The following GOLGA1 variants were observed in gnomAD, a reference collection of about 807,000 sequenced individuals.
GOLGA1 encodes the protein golgin A1, also known as golgin subfamily A member 1.
Under a neutral mutation model 119.7 loss-of-function variants are expected in GOLGA1, and 63 were observed. The observed-to-expected ratio is 0.53, with a 90% CI of 0.43 to 0.65. The LOEUF is 0.65. Among genes scored for constraint, GOLGA1 ranks in the 30% least tolerant of loss-of-function variants. The probability of loss-of-function intolerance (pLI) is 0.00; values close to 1 mark genes in which losing one functional copy is unlikely to be tolerated. For missense variants in GOLGA1, 798 were observed against 912.8 expected (o/e 0.87, Z 1.62); for synonymous variants, 318 against 333.4 (o/e 0.95, Z 0.50).
In GOLGA1 at chr9:124,888,950, C is replaced by T. The variant is rs1333480451; in HGVS notation, c.1761+193G>A. 2.6e-5 allele frequency among the ~76,000 whole-genome samples: 4 copies of T among 152,174 alleles called. No individual in the cohort carries two copies. The highest frequency in any genetic ancestry group is 2.0e-4 in the Admixed American group (3 of 15,282). ...TCCTGAACTCGTGATCCACCCGCCT[C>T]GGCCTCCCAAAGTGCTGGGATTACA... On this transcript the variant is annotated intron_variant, in intron 18 of 22. Coordinates refer to ENST00000373555, the MANE Select transcript of GOLGA1 (RefSeq NM_002077.4). This position sits in a 1 kb window ranked among gnomAD's most constrained non-coding sequence, Gnocchi z 4.4.
intron 10 of GOLGA1, among the ~76,000 whole-genome samples, chr9:124,913,353 A>C (rs952342528): frequency 1.3e-5 from 2 of 152,308 alleles, no homozygotes; most frequent in African/African-American, 4.8e-5. Context: ...ATCCCCACTG[A>C]GGATGCCCAT....
chr9:124,924,807 C>T (rs1830642344), intron 7 of GOLGA1, among the ~76,000 whole-genome samples: 1 of 151,558 alleles, frequency 6.6e-6, no homozygotes, highest in African/African-American at 2.4e-5. Flanking sequence ...AAAATTTCCC[C>T]AACCTCTCAC....
intron 4 of GOLGA1, 55 bp downstream of exon 4, chr9:124,931,261 G>C (rs1420007249): frequency 2.4e-6 from 2 of 819,096 alleles, no homozygotes; most frequent in Non-Finnish European, 4.4e-6. Context: ...TATAGGAAGA[G>C]AGTCAAGCAA....
chr9:124,912,088 CT>C, intron 10 of GOLGA1, 62 bp from the exon 11 acceptor site: 2 of 1,495,808 alleles, frequency 1.3e-6, no homozygotes, highest in Non-Finnish European at 1.8e-6. Context: ...TTCCTGCTTT[CT>C]TTTGGGCCAT....
At position 124,938,854 on chromosome 9, in the gene GOLGA1, G is replaced by A. The variant is rs957622576; in HGVS notation, c.-143C>T. ...ACTTAAATGTGGGCCAAGGGCTTAT[G>A]GCAACACAGGATCTACAAATCAGAT... is the stretch of plus-strand genomic sequence containing the variant. On this transcript the variant is annotated 5_prime_UTR_variant, in exon 3 of 23. Coordinates refer to ENST00000373555, the MANE Select transcript of GOLGA1 (RefSeq NM_002077.4). 1 of 571,270 alleles carries A rather than the reference G, an allele frequency of 1.8e-6. No individual in the cohort carries two copies. Among genetic ancestry groups the A allele is most frequent in the African/African-American group, 1.9e-5 (1 of 52,704 alleles). 35.4% of individuals were successfully genotyped at this position (571,270 alleles called of 1,614,324 possible). A position where few individuals can be genotyped will look rare whatever the true frequency, so the allele number is the denominator to read the frequency against.
In GOLGA1 at chr9:124,879,485, G is replaced by C. The variant is rs1058540; in HGVS notation, c.*1045C>G. On this transcript the variant is annotated 3_prime_UTR_variant, in exon 23 of 23. Transcript: ENST00000373555. ...TCCACAGACAAGGCAGACTGCCCCA[G>C]TGTCTCCATCGAGGCTGGGGGACAG... is the stretch of plus-strand genomic sequence containing the variant. The C allele has an allele frequency of 1.3e-5, 2 of 151,590 alleles. No individual in the cohort carries two copies. Among genetic ancestry groups the C allele is most frequent in the East Asian group, 1.9e-4 (1 of 5,168 alleles). The allele number at this position is 151,590 out of a possible 1,614,324, so 9.4% of individuals were successfully genotyped here.
Position 124,881,389 on chromosome 9 carries a change from G to C in GOLGA1, c.2137-132C>G, listed in dbSNP as rs2131353643. On this transcript the variant is annotated intron_variant, in intron 21 of 22. Transcript: ENST00000373555. This position sits in a 1 kb window ranked among gnomAD's most constrained non-coding sequence, Gnocchi z 4.9. ...GTGGTGGGTGACGCTCTGGCACTCTGAAGTTTGGCAGCAATGATAGGTTCT... is the reference window on the plus strand; with the variant it reads ...GTGGTGGGTGACGCTCTGGCACTCTCAAGTTTGGCAGCAATGATAGGTTCT... The C allele has an allele frequency of 1.4e-6, 1 of 695,080 alleles. No individual in the cohort carries two copies. The highest frequency in any genetic ancestry group is 2.5e-5 in the East Asian group (1 of 39,484). 43.1% of individuals were successfully genotyped at this position (695,080 alleles called of 1,614,324 possible).
rs1323054884 is a variant in GOLGA1, at chr9:124,923,306, A to T, written c.433-83T>A. Reference sequence around the variant, plus strand: ...CGAAAGTGAAAATCTTTTCTTTTTTAAAATTTTTGTCTTTAGAGACAGAGT... The same window carrying T: ...CGAAAGTGAAAATCTTTTCTTTTTTTAAATTTTTGTCTTTAGAGACAGAGT... On this transcript the variant is annotated intron_variant, in intron 7 of 22. Coordinates refer to ENST00000373555, the MANE Select transcript of GOLGA1 (RefSeq NM_002077.4). 7.3e-6 allele frequency: 9 copies of T among 1,231,804 alleles called. No homozygotes were observed. The African/African-American group carries it at 1.2e-4, about 17-fold the overall frequency. 76.3% of individuals were successfully genotyped at this position (1,231,804 alleles called of 1,614,324 possible).
intron 19 of GOLGA1, among the ~76,000 whole-genome samples, chr9:124,882,856 G>A (rs542732017): frequency 6.6e-6 from 1 of 152,244 alleles, no homozygotes; most frequent in Non-Finnish European, 1.5e-5. Context: ...TCCCTTCCCG[G>A]GGGCTTGGTC....
At chr9:124,910,999 C>G (rs190220849) in intron 11 of GOLGA1, among the ~76,000 whole-genome samples, 1 of 152,168 alleles carries the variant, frequency 6.6e-6, no homozygotes, top group Non-Finnish European at 1.5e-5. Context: ...GCAGAAGAGG[C>G]AAAATGCAAG....
intron 11 of GOLGA1, among the ~76,000 whole-genome samples, chr9:124,911,441 G>T (rs998926437): frequency 1.3e-5 from 2 of 152,238 alleles, no homozygotes; most frequent in Non-Finnish European, 2.9e-5. Flanking sequence ...AGCCTGATGA[G>T]AAAGTTCCCT....
chr9:124,923,088 T>G lies in GOLGA1; in HGVS notation c.561+7A>C. 1 of 1,600,502 alleles carries G rather than the reference T, an allele frequency of 6.2e-7. No individual in the cohort carries two copies. ...CAGTATTTAGCTACTAAAACAAAAA[T>G]GCATACCATGTGCTTTATTTTACTT... is the stretch of plus-strand genomic sequence containing the variant. On this transcript the variant is annotated splice_region_variant and intron_variant, in intron 8 of 22. Transcript: ENST00000373555.
Position 124,900,534 on chromosome 9 carries a change from TC to T in GOLGA1, c.1078del (p.Glu360SerfsTer56). On this transcript the variant is annotated frameshift_variant, in exon 13 of 23. Coordinates refer to ENST00000373555, the MANE Select transcript of GOLGA1 (RefSeq NM_002077.4). LOFTEE classifies it high-confidence loss of function. ...CTCCTCAGAGGCCTGCAAGGTCTGC[TC>T]CAGTTCTCTCACCTGAGAGGGAAGC... Reference protein sequence around the residue: ...NTLETRVRELEQTLQASEEQL... With the variant: ...NTLETRVRELXQTLQASEEQL... The T allele has an allele frequency of 1.3e-6, 2 of 1,563,078 alleles. No homozygotes were observed. The highest frequency in any genetic ancestry group is 1.8e-6 in the Non-Finnish European group (2 of 1,134,308).
chr9:124,881,963 C>T lies in GOLGA1; in HGVS notation c.1966-9G>A. 3 of 1,594,192 alleles carry T rather than the reference C, an allele frequency of 1.9e-6. No individual in the cohort carries two copies. The highest frequency in any genetic ancestry group is 1.1e-5 in the South Asian group (1 of 88,570). On this transcript the variant is annotated splice_polypyrimidine_tract_variant and intron_variant, in intron 20 of 22. Transcript: ENST00000373555. The surrounding 1 kb of genome is among the most constrained non-coding windows in gnomAD (Gnocchi z 4.9). ...TTATCGGGTCTGATTTTCTGAAAAA[C>T]CAGTGGGAAAGATGCTACACCGAAC...
intron 20 of GOLGA1, among the ~76,000 whole-genome samples, 177 bp from the exon 21 acceptor site, chr9:124,882,131 T>G (rs2131356374): frequency 6.6e-6 from 1 of 152,242 alleles, no homozygotes. Flanking sequence ...TTGGGTAAAT[T>G]CAGACATTCC....
At chr9:124,920,965 T>C (rs1448317668) in intron 10 of GOLGA1, among the ~76,000 whole-genome samples, 164 bp downstream of exon 10, 4 of 152,198 alleles carry the variant, frequency 2.6e-5, no homozygotes, top group Non-Finnish European at 5.9e-5. Context: ...TGTTCAGCTG[T>C]ATGGCCATTT....
chr9:124,898,080 A>G (rs946644784), intron 15 of GOLGA1, among the ~76,000 whole-genome samples: 2 of 152,216 alleles, frequency 1.3e-5, no homozygotes, highest in African/African-American at 4.8e-5. Flanking sequence ...ACAATCCAGC[A>G]GATTGTTTCT....
rs1829569866 is a variant in GOLGA1, at chr9:124,881,117, G to A, written c.2223+54C>T. The stretch of plus-strand genomic sequence containing the variant: ...TAAGGGGTCTTACACTGCTACTGCT[G>A]GGATAACTGACAACGTATCTTGGAA... On this transcript the variant is annotated intron_variant, in intron 22 of 22. Transcript: ENST00000373555. The surrounding 1 kb of genome is among the most constrained non-coding windows in gnomAD (Gnocchi z 4.9). 1.1e-6 allele frequency: 1 copy of A among 949,154 alleles called. No individual in the cohort carries two copies. Among genetic ancestry groups the A allele is most frequent in the African/African-American group, 1.6e-5 (1 of 62,662 alleles). The allele number at this position is 949,154 out of a possible 1,614,324, so 58.8% of individuals were successfully genotyped here.
At chr9:124,883,373 C>T (rs1829635382) in intron 19 of GOLGA1, among the ~76,000 whole-genome samples, 1 of 152,156 alleles carries the variant, frequency 6.6e-6, no homozygotes, top group African/African-American at 2.4e-5. Context: ...GCAACCTCCG[C>T]CTCCTGGGTT....
Sources: allele counts gnomAD v4.1 joint callset (sites outside exome capture counted in the v4.1 genomes callset), GRCh38; gene constraint gnomAD v4.1.1; non-coding constraint Gnocchi (gnomAD v3.1); transcripts MANE v1.5; gene names NCBI Gene and HGNC (gene_info 2026-07-23, HGNC 2026-07-21).